TLE4: variants seen among roughly 807,000 people sequenced by gnomAD.
TLE4 encodes transducin-like enhancer protein 4.
In TLE4, 8 loss-of-function variants were observed where a neutral mutation model predicts 92.8. The observed-to-expected ratio is 0.09, with a 90% confidence interval of 0.05 to 0.16. The LOEUF (loss-of-function observed/expected upper bound fraction) is 0.16. TLE4 is among the 10% of genes least tolerant of loss of function. The probability of loss-of-function intolerance (pLI) is 1.00; values close to 1 mark genes in which losing one functional copy is unlikely to be tolerated. For missense variants in TLE4, 675 were observed against 997.6 expected, an observed-to-expected ratio of 0.68 and a Z score of 4.36; for synonymous variants, 371 against 374.1, an observed-to-expected ratio of 0.99 and a Z score of 0.10.
intron 14 of TLE4, among the ~76,000 whole-genome samples, chr9:79,711,696 G>A (rs980936437): frequency 6.6e-6 from 1 of 152,164 alleles, no homozygotes; most frequent in Non-Finnish European, 1.5e-5. Flanking sequence ...TGGAATCACA[G>A]CTGCTCTGAC....
rs542688419 is a variant in TLE4 at position 79,597,930 on chromosome 9, C to T, written c.253-14726C>T. On this transcript the variant is annotated intron_variant, in intron 4 of 19. Transcript: ENST00000376552. ...TTAGGATGGTGAACACCCTTGGCCA[C>T]CATATTTAAAAGGACTCACTGGCCT... Among the ~76,000 whole-genome samples, 379 of 152,052 alleles carry T rather than the reference C, an allele frequency of 2.5e-3. 1 individual carries two copies. The highest frequency in any genetic ancestry group is 8.7e-3 in the African/African-American group (361 of 41,470).
intron 14 of TLE4, among the ~76,000 whole-genome samples, chr9:79,711,152 C>T (rs978998756): frequency 6.6e-6 from 1 of 152,224 alleles, no homozygotes; most frequent in African/African-American, 2.4e-5. Flanking sequence ...TCTACAGACT[C>T]TATCCTAACC....
chr9:79,692,885 A>G (rs149469883), intron 8 of TLE4, among the ~76,000 whole-genome samples: 1 of 152,320 alleles, frequency 6.6e-6, no homozygotes, highest in Non-Finnish European at 1.5e-5. Context: ...TTGATGGGAC[A>G]CAGACATTCA....
intron 5 of TLE4, among the ~76,000 whole-genome samples, chr9:79,624,186 A>C (rs1283256380): frequency 1.3e-5 from 2 of 151,722 alleles, no homozygotes; most frequent in Non-Finnish European, 2.9e-5. Context: ...GGAAAAAAAA[A>C]AAAAAAAAGC....
intron 4 of TLE4, among the ~76,000 whole-genome samples, chr9:79,601,881 G>GCC (rs2045749361): frequency 6.6e-6 from 1 of 152,186 alleles, no homozygotes; most frequent in Non-Finnish European, 1.5e-5. Flanking sequence ...CAAAAGCTAG[G>GCC]TGCGTTGTGC....
chr9:79,577,151 A>G lies in TLE4; in HGVS notation c.252+974A>G, dbSNP rs374239780. 2.6e-5 allele frequency among the ~76,000 whole-genome samples: 4 copies of G among 152,208 alleles called. No homozygotes were observed. The East Asian group carries it at 5.8e-4, about 22-fold the overall frequency. On this transcript the variant is annotated intron_variant, in intron 4 of 19. Coordinates refer to ENST00000376552, the MANE Select transcript of TLE4 (RefSeq NM_007005.6). ...GAAAACTTACTGCTTTTCATTTCCT[A>G]TTTATGGTCAAGGTGGATGTCATTA...
intron 2 of TLE4, 95 bp from the exon 3 acceptor site, chr9:79,574,778 T>A (rs2037185185): frequency 9.8e-7 from 1 of 1,023,308 alleles, no homozygotes; most frequent in African/African-American, 1.6e-5. Context: ...GATTGTTGAT[T>A]TAGTTGTTTG....
In TLE4 at chr9:79,640,165, G is replaced by A. The variant is rs1229658955; in HGVS notation, c.391-12428G>A. On this transcript the variant is annotated intron_variant, in intron 6 of 19. Transcript: ENST00000376552. Reference sequence around the variant, plus strand: ...ATAGTTGTACCATTTACTCAGATGGGGCAGAAGAGAGAAGGAATGGCCATA... The same window carrying A: ...ATAGTTGTACCATTTACTCAGATGGAGCAGAAGAGAGAAGGAATGGCCATA... Among the ~76,000 whole-genome samples, 3 of 152,000 alleles carry A rather than the reference G, an allele frequency of 2.0e-5. No individual in the cohort carries two copies. In the East Asian group the frequency reaches 5.8e-4, roughly 30 times the overall value.
intron 4 of TLE4, among the ~76,000 whole-genome samples, chr9:79,582,507 T>C (rs778004030): frequency 6.6e-6 from 1 of 152,258 alleles, no homozygotes; most frequent in Non-Finnish European, 1.5e-5. Flanking sequence ...ATTTAATCTT[T>C]GCTTTCCTAG....
chr9:79,669,056 T>A (rs1047803899), intron 8 of TLE4, among the ~76,000 whole-genome samples: 2 of 152,192 alleles, frequency 1.3e-5, no homozygotes, highest in African/African-American at 4.8e-5. Flanking sequence ...CATTTGTGCA[T>A]GTATTTTCCC....
chr9:79,654,094 A>C lies in TLE4; in HGVS notation c.609+19A>C. On this transcript the variant is annotated intron_variant, in intron 8 of 19. Coordinates refer to ENST00000376552, the MANE Select transcript of TLE4 (RefSeq NM_007005.6). The stretch of plus-strand genomic sequence containing the variant: ...CATCAAGGTAGGACTCAAAATTTAC[A>C]GACTAAGGAATGGCTTAAAAGGGCT... 4 of 1,611,820 alleles carry C rather than the reference A, an allele frequency of 2.5e-6. No individual in the cohort carries two copies. The South Asian group carries it at 4.4e-5, about 18-fold the overall frequency.
chr9:79,665,655 G>T (rs771387198), intron 8 of TLE4, among the ~76,000 whole-genome samples: 70 of 152,284 alleles, frequency 4.6e-4, no homozygotes, highest in Non-Finnish European at 7.8e-4. Context: ...ATCGGGATAT[G>T]GGCCTTTTAC....
chr9:79,698,526 T>G (rs2068867337), intron 8 of TLE4, among the ~76,000 whole-genome samples: 1 of 152,160 alleles, frequency 6.6e-6, no homozygotes, highest in Non-Finnish European at 1.5e-5. Context: ...GTCCCAGTCA[T>G]TTTTGAAGGT....
Position 79,725,390 on chromosome 9 carries a change from G to A in TLE4, c.*246G>A, listed in dbSNP as rs2076289562. 1 of 315,042 alleles carries A rather than the reference G, an allele frequency of 3.2e-6. No homozygotes were observed. The highest frequency in any genetic ancestry group is 6.0e-6 in the Non-Finnish European group (1 of 167,700). 19.5% of individuals were successfully genotyped at this position (315,042 alleles called of 1,614,324 possible). A position where few individuals can be genotyped will look rare whatever the true frequency, so the allele number is the denominator to read the frequency against. ...GAACATGGAATAAGCATACTTAACA[G>A]TGAAAAGAATCTTTAATTATGTATT... On this transcript the variant is annotated 3_prime_UTR_variant, in exon 20 of 20. Coordinates refer to ENST00000376552, the MANE Select transcript of TLE4 (RefSeq NM_007005.6).
chr9:79,723,221 G>A (rs2075915717), intron 19 of TLE4, among the ~76,000 whole-genome samples, 186 bp downstream of exon 19: 2 of 152,196 alleles, frequency 1.3e-5, no homozygotes, highest in Non-Finnish European at 2.9e-5. Flanking sequence ...GCTGGGGATA[G>A]TCCCCAGTGT....
chr9:79,724,849 TAAAAAAA>T (rs947971071), intron 19 of TLE4, among the ~76,000 whole-genome samples, 181 bp from the exon 20 acceptor site: 6 of 25,990 alleles, frequency 2.3e-4, no homozygotes, highest in East Asian at 1.5e-3. Flanking sequence ...CCTGTCTTAT[TAAAAAAA>T]AAAAAAAAAA....
intron 8 of TLE4, among the ~76,000 whole-genome samples, chr9:79,698,194 G>A (rs2068783360): frequency 6.6e-6 from 1 of 152,172 alleles, no homozygotes; most frequent in South Asian, 2.1e-4. Context: ...CACATAGCAA[G>A]TGTTACAGCC....
chr9:79,618,122 AC>A (rs1326579400), intron 5 of TLE4, among the ~76,000 whole-genome samples: 3 of 152,220 alleles, frequency 2.0e-5, no homozygotes, highest in African/African-American at 7.2e-5. Flanking sequence ...TAGCTGAGTG[AC>A]CATTATGCCC....
chr9:79,713,043 G>T (rs1307071176), intron 14 of TLE4, among the ~76,000 whole-genome samples: 1 of 152,218 alleles, frequency 6.6e-6, no homozygotes, highest in Non-Finnish European at 1.5e-5. Flanking sequence ...TCACTGGTCT[G>T]TATGCTACTT....
Sources: allele counts gnomAD v4.1 joint callset (sites outside exome capture counted in the v4.1 genomes callset), GRCh38; gene constraint gnomAD v4.1.1; transcripts MANE v1.5; gene names NCBI Gene and HGNC (gene_info 2026-07-23, HGNC 2026-07-21).